The following SPOCK3 variants were observed in gnomAD, a reference collection of about 807,000 sequenced individuals.
The protein encoded by SPOCK3 is testican-3.
In SPOCK3, 30 loss-of-function variants were observed where a neutral mutation model predicts 56.6. The observed-to-expected ratio is 0.53, with a 90% CI of 0.40 to 0.72. The LOEUF (loss-of-function observed/expected upper bound fraction) is 0.72, where lower values mean the gene tolerates loss of function less well. SPOCK3 is among the 30% of genes least tolerant of loss of function. The pLI, the probability that SPOCK3 is intolerant of heterozygous loss-of-function variation, is 0.00. For missense variants in SPOCK3, 527 were observed against 530.0 expected, an observed-to-expected ratio of 0.99 and a Z score of 0.06; for synonymous variants, 196 against 183.3, an observed-to-expected ratio of 1.07 and a Z score of -0.56.
chr4:167,102,186 A>G (rs1206524772), intron 2 of SPOCK3, among the ~76,000 whole-genome samples: 1 of 152,144 alleles, frequency 6.6e-6, no homozygotes, highest in African/African-American at 2.4e-5. Context: ...GTAACAAGAT[A>G]GATTACAGGT....
At chr4:167,034,615 T>C (rs1007597400) in intron 3 of SPOCK3, among the ~76,000 whole-genome samples, 2 of 152,122 alleles carry the variant, frequency 1.3e-5, no homozygotes, top group Non-Finnish European at 2.9e-5. Flanking sequence ...AGCTCGTACA[T>C]ATGTACTGTC....
At chr4:166,793,525 C>T (rs1297971767) in intron 6 of SPOCK3, among the ~76,000 whole-genome samples, 1 of 152,124 alleles carries the variant, frequency 6.6e-6, no homozygotes, top group Non-Finnish European at 1.5e-5. Context: ...CAAAGCTGTC[C>T]TGGGCCACAT....
Position 167,004,426 on chromosome 4 carries a change from C to T in SPOCK3, c.236-3963G>A, listed in dbSNP as rs138442528. Among the ~76,000 whole-genome samples the T allele has an allele frequency of 3.3e-3, 497 of 152,228 alleles. 1 individual carries two copies. The highest frequency in any genetic ancestry group is 4.0e-3 in the Non-Finnish European group (272 of 68,008). On this transcript the variant is annotated intron_variant, in intron 3 of 10. Coordinates refer to ENST00000357545, the MANE Select transcript of SPOCK3 (RefSeq NM_001040159.2). ...AAATGCTCATATCGCCTGTGAGTAT[C>T]GTGGAAAACACTGAACAGGGAGATG...
rs548859377 is a variant in SPOCK3, at chr4:166,810,277, C to A, written c.590-17988G>T. Among the ~76,000 whole-genome samples, 3 of 152,166 alleles carry A rather than the reference C, an allele frequency of 2.0e-5. No homozygotes were observed. In the East Asian group the frequency reaches 5.8e-4, roughly 29 times the overall value. On this transcript the variant is annotated intron_variant, in intron 6 of 10. Coordinates refer to ENST00000357545, the MANE Select transcript of SPOCK3 (RefSeq NM_001040159.2). Reference sequence around the variant, plus strand: ...TGCATAAGCCAATAAAATATAATAACATGCATAAAGCAAATAAAATATAAT... The same window carrying A: ...TGCATAAGCCAATAAAATATAATAAAATGCATAAAGCAAATAAAATATAAT...
At chr4:167,080,118 C>T (rs1238660120) in intron 2 of SPOCK3, among the ~76,000 whole-genome samples, 5 of 151,968 alleles carry the variant, frequency 3.3e-5, no homozygotes, top group Non-Finnish European at 5.9e-5. Flanking sequence ...CCACCATTTT[C>T]CAAACTTGAG....
At chr4:166,753,520 T>C (rs939105212) in intron 8 of SPOCK3, among the ~76,000 whole-genome samples, 1 of 151,942 alleles carries the variant, frequency 6.6e-6, no homozygotes, top group Non-Finnish European at 1.5e-5. Flanking sequence ...CACTAATCAA[T>C]TTATGCATAT....
intron 2 of SPOCK3, among the ~76,000 whole-genome samples, chr4:167,125,184 A>C (rs763398280): frequency 6.8e-6 from 1 of 148,144 alleles, no homozygotes; most frequent in Non-Finnish European, 1.5e-5. Context: ...GTATGAGCAC[A>C]GAGATTTTTT....
At chr4:166,937,573 A>G (rs575126215) in intron 4 of SPOCK3, among the ~76,000 whole-genome samples, 260 of 148,322 alleles carry the variant, frequency 1.8e-3, no homozygotes, top group African/African-American at 6.3e-3. Flanking sequence ...TGGTATTTCC[A>G]GTGAAAACCA....
chr4:166,812,213 C>T (rs1743904045), intron 6 of SPOCK3, among the ~76,000 whole-genome samples: 1 of 151,814 alleles, frequency 6.6e-6, no homozygotes, highest in Non-Finnish European at 1.5e-5. Context: ...TAGTAATGCA[C>T]AAAATTAATC....
intron 4 of SPOCK3, among the ~76,000 whole-genome samples, chr4:166,925,506 G>A (rs184054471): frequency 6.6e-6 from 1 of 152,142 alleles, no homozygotes; most frequent in Admixed American, 6.5e-5. Flanking sequence ...AAATTTGGGG[G>A]TAAATTTGTT....
chr4:167,037,788 A>C (rs549663710), intron 3 of SPOCK3, among the ~76,000 whole-genome samples: 1 of 152,376 alleles, frequency 6.6e-6, no homozygotes, highest in Admixed American at 6.5e-5. Context: ...TTCATACCAA[A>C]TATATAATTT....
chr4:166,792,958 C>G (rs1370246765), intron 6 of SPOCK3, among the ~76,000 whole-genome samples: 3 of 152,066 alleles, frequency 2.0e-5, no homozygotes, highest in Admixed American at 1.3e-4. Context: ...CATTATTTAT[C>G]AACAATTATA....
At chr4:166,829,046 A>G (rs1014320562) in intron 6 of SPOCK3, among the ~76,000 whole-genome samples, 1 of 152,062 alleles carries the variant, frequency 6.6e-6, no homozygotes, top group Non-Finnish European at 1.5e-5. Context: ...AATGATATAC[A>G]TAACTGATAG....
chr4:166,916,442 C>G (rs1184278029), intron 4 of SPOCK3, among the ~76,000 whole-genome samples: 1 of 152,098 alleles, frequency 6.6e-6, no homozygotes, highest in Non-Finnish European at 1.5e-5. Flanking sequence ...TAGCATCAGT[C>G]TCATATGAAA....
chr4:167,015,179 C>A (rs1467979983), intron 3 of SPOCK3, among the ~76,000 whole-genome samples: 2 of 151,988 alleles, frequency 1.3e-5, no homozygotes, highest in East Asian at 1.9e-4. Context: ...TTTTAAAAAA[C>A]CAAGTTATGA....
intron 4 of SPOCK3, among the ~76,000 whole-genome samples, chr4:166,968,951 T>C (rs2150070453): frequency 6.6e-6 from 1 of 152,264 alleles, no homozygotes. Context: ...CCCAAGGTCA[T>C]GACAGCTCAA....
intron 6 of SPOCK3, among the ~76,000 whole-genome samples, chr4:166,818,685 A>G (rs1744619073): frequency 6.6e-6 from 1 of 151,976 alleles, no homozygotes; most frequent in Non-Finnish European, 1.5e-5. Flanking sequence ...TGAAAATTGC[A>G]CCTAAGACTT....
intron 4 of SPOCK3, among the ~76,000 whole-genome samples, chr4:166,936,612 T>C (rs1420846331): frequency 6.6e-6 from 1 of 152,068 alleles, no homozygotes; most frequent in African/African-American, 2.4e-5. Flanking sequence ...TATTTTTCTT[T>C]ACAGGGATAA....
rs564530112 is a variant in SPOCK3 at position 167,155,198 on chromosome 4, C to T, written c.189+78787G>A. Among the ~76,000 whole-genome samples the T allele has an allele frequency of 6.6e-5, 10 of 152,164 alleles. 1 individual carries two copies. Among genetic ancestry groups the T allele is most frequent in the Middle Eastern group, 3.4e-3 (1 of 294 alleles). The stretch of plus-strand genomic sequence containing the variant: ...TGGTGCAATCTTGGCTCACTGCAAT[C>T]TCCACCTCCCGGCTTAAAGCAATTC... On this transcript the variant is annotated intron_variant, in intron 2 of 10. Transcript: ENST00000357545.
Sources: gnomAD v4.1 joint callset for allele counts (sites outside exome capture counted in the v4.1 genomes callset) on GRCh38, gnomAD v4.1.1 for gene constraint, MANE v1.5 for transcripts, NCBI Gene and HGNC (gene_info 2026-07-23, HGNC 2026-07-21) for gene names.